Variants in HMGN3 observed in about 807,000 individuals in gnomAD.
The protein encoded by HMGN3 is high mobility group nucleosome-binding domain-containing protein 3.
HMGN3 carries 6 observed loss-of-function variants against 18.8 expected under a neutral mutation model. The observed-to-expected ratio is 0.32, with a 90% CI of 0.18 to 0.63. The LOEUF is 0.63. Among genes scored for constraint, HMGN3 ranks in the 30% least tolerant of loss-of-function variants. The pLI is 0.79. For missense variants in HMGN3, 107 were observed against 114.2 expected (o/e 0.94, Z 0.29); for synonymous variants, 40 against 36.5 (o/e 1.10, Z -0.35).
chr6:79,218,066 C>T (rs559576090), intron 1 of HMGN3, among the ~76,000 whole-genome samples: 15 of 152,334 alleles, frequency 9.8e-5, no homozygotes, highest in African/African-American at 2.4e-4. Context: ...CACGTATCCA[C>T]GTCTGCAAGA....
rs1582406655 is a variant in HMGN3 at position 79,208,605 on chromosome 6, T to A, written c.67-29A>T. ...CAAAGGGAATGGGAAAATATACATA[T>A]TTTTTGGTGATTATATAAAACGAAG... On this transcript the variant is annotated intron_variant, in intron 2 of 5. Coordinates refer to ENST00000344726, the Ensembl canonical transcript of HMGN3. 14 of 1,561,644 alleles carry A rather than the reference T, an allele frequency of 9.0e-6. No individual in the cohort carries two copies. The East Asian group carries it at 2.7e-4, about 30-fold the overall frequency.
chr6:79,204,776 A>T (rs1283453267), intron 3 of HMGN3, among the ~76,000 whole-genome samples: 2 of 152,172 alleles, frequency 1.3e-5, no homozygotes, highest in Non-Finnish European at 2.9e-5. Context: ...CTTTCAAATA[A>T]AAAAAGAAAA....
chr6:79,222,655 C>T (rs778098932), intron 1 of HMGN3, among the ~76,000 whole-genome samples: 1 of 152,182 alleles, frequency 6.6e-6, no homozygotes, highest in Non-Finnish European at 1.5e-5. Flanking sequence ...TCTATTACTA[C>T]ATTGCTTTTA....
At chr6:79,207,858 AGT>A (rs1476662427) in intron 3 of HMGN3, among the ~76,000 whole-genome samples, 3 of 152,156 alleles carry the variant, frequency 2.0e-5, no homozygotes, top group Non-Finnish European at 4.4e-5. Context: ...CTACCTTCTC[AGT>A]GGGAAGTCTG....
intron 1 of HMGN3, among the ~76,000 whole-genome samples, chr6:79,228,323 T>C (rs1374424363): frequency 6.6e-6 from 1 of 152,196 alleles, no homozygotes; most frequent in Non-Finnish European, 1.5e-5. Context: ...TGCATAAAGG[T>C]GATGCCCAAT....
At chr6:79,217,446 G>C (rs1433324505) in intron 1 of HMGN3, among the ~76,000 whole-genome samples, 3 of 152,046 alleles carry the variant, frequency 2.0e-5, no homozygotes, top group Non-Finnish European at 4.4e-5. Flanking sequence ...TAACTCAAAG[G>C]GTACTGCTTA....
At chr6:79,212,008 C>T (rs887698134) in intron 2 of HMGN3, among the ~76,000 whole-genome samples, 56 of 145,704 alleles carry the variant, frequency 3.8e-4, no homozygotes, top group African/African-American at 1.4e-3. Context: ...CATGTACCTC[C>T]AAGCAAAACC....
intron 2 of HMGN3, among the ~76,000 whole-genome samples, chr6:79,213,357 G>C (rs1270864902): frequency 6.6e-6 from 1 of 152,194 alleles, no homozygotes; most frequent in Non-Finnish European, 1.5e-5. Flanking sequence ...TTTTGGTGTA[G>C]TGGGATTGGA....
intron 1 of HMGN3, among the ~76,000 whole-genome samples, chr6:79,219,831 T>C (rs6907264): frequency 0.93 from 142,357 of 152,268 alleles, 66,720 homozygotes; most frequent in East Asian, 1. Flanking sequence ...TAGAACACAT[T>C]TTTATTCAAA....
chr6:79,203,485 C>T (rs976887186), intron 4 of HMGN3, 95 bp downstream of exon 4: 4 of 1,075,674 alleles, frequency 3.7e-6, no homozygotes, highest in East Asian at 2.4e-5. Flanking sequence ...CAGTTTGGAT[C>T]ATTAAATACG....
intron 1 of HMGN3, among the ~76,000 whole-genome samples, chr6:79,221,842 G>T (rs917902210): frequency 8.7e-6 from 1 of 114,516 alleles, no homozygotes; most frequent in Non-Finnish European, 1.9e-5. Context: ...TCAGCACAGT[G>T]TTGGACCTTT....
At chr6:79,202,007 C>A in intron 5 of HMGN3, 56 bp downstream of exon 6, 1 of 1,506,070 alleles carries the variant, frequency 6.6e-7, no homozygotes, top group Non-Finnish European at 8.8e-7. Context: ...AACCACCACA[C>A]TACTATCTGA....
At chr6:79,211,465 G>GTTTTTTTTT in intron 2 of HMGN3, among the ~76,000 whole-genome samples, 1 of 135,366 alleles carries the variant, frequency 7.4e-6, no homozygotes. Context: ...AATTTCTCTT[G>GTTTTTTTTT]TTTTTTTTTT....
intron 2 of HMGN3, among the ~76,000 whole-genome samples, chr6:79,214,368 AC>A (rs1266381516): frequency 9.9e-5 from 15 of 151,734 alleles, no homozygotes; most frequent in Non-Finnish European, 4.4e-5. Context: ...CGCCTGGCTA[AC>A]TTTTTATATT....
At chr6:79,228,514 CCTAA>C (rs1186564239) in intron 1 of HMGN3, among the ~76,000 whole-genome samples, 2 of 152,132 alleles carry the variant, frequency 1.3e-5, no homozygotes, top group East Asian at 3.9e-4. Flanking sequence ...GCAATTCTTT[CCTAA>C]CTGATTTATA....
At chr6:79,204,439 G>A (rs1582398722) in intron 3 of HMGN3, among the ~76,000 whole-genome samples, 1 of 152,284 alleles carries the variant, frequency 6.6e-6, no homozygotes, top group East Asian at 1.9e-4. Context: ...TTCAGCCCTG[G>A]CCAGCTTCCC....
chr6:79,203,430 T>C (rs1561981752), intron 4 of HMGN3, 150 bp downstream of exon 4: 8 of 691,334 alleles, frequency 1.2e-5, no homozygotes, highest in Non-Finnish European at 2.0e-5. Flanking sequence ...CGCAGAAAAC[T>C]GTGCTTTATG....
At chr6:79,203,470 G>C (rs1776252441) in intron 4 of HMGN3, 110 bp downstream of exon 4, 1 of 936,662 alleles carries the variant, frequency 1.1e-6, no homozygotes, top group African/African-American at 1.7e-5. Context: ...CAGTGGTAAT[G>C]GTTTCAGTTT....
intron 2 of HMGN3, among the ~76,000 whole-genome samples, chr6:79,213,316 TTATA>T (rs1776792543): frequency 6.6e-6 from 1 of 152,034 alleles, no homozygotes; most frequent in African/African-American, 2.4e-5. Context: ...CACATATCCT[TTATA>T]TATACATTCT....
Sources: gnomAD v4.1 joint callset for allele counts (sites outside exome capture counted in the v4.1 genomes callset) on GRCh38, gnomAD v4.1.1 for gene constraint, MANE v1.5 for transcripts, NCBI Gene and HGNC (gene_info 2026-07-23, HGNC 2026-07-21) for gene names.